MLLT3: variants seen among roughly 807,000 people sequenced by gnomAD.
The protein encoded by MLLT3 is MLLT3 super elongation complex subunit, also known as protein AF-9.
A neutral mutation model predicts 53.2 loss-of-function variants in MLLT3; 4 were observed. The ratio of observed to expected loss-of-function variants is 0.08; its 90% CI spans 0.04 to 0.17. The LOEUF (loss-of-function observed/expected upper bound fraction) is 0.17, where lower values mean the gene tolerates loss of function less well. Ranked by LOEUF, MLLT3 falls within the 10% of genes least tolerant of loss-of-function variation. MLLT3 has a pLI of 1.00. For missense variants in MLLT3, 569 were observed against 684.0 expected, an observed-to-expected ratio of 0.83 and a Z score of 1.87; for synonymous variants, 283 against 230.6, an observed-to-expected ratio of 1.23 and a Z score of -2.06.
intron 2 of MLLT3, among the ~76,000 whole-genome samples, chr9:20,484,125 T>C (rs1202666014): frequency 2.6e-5 from 4 of 152,154 alleles, no homozygotes; most frequent in African/African-American, 7.2e-5. Flanking sequence ...AGGTGATTAA[T>C]TATTTATGGG....
intron 2 of MLLT3, among the ~76,000 whole-genome samples, chr9:20,497,693 T>C (rs2118933488): frequency 6.6e-6 from 1 of 152,276 alleles, no homozygotes; most frequent in Middle Eastern, 3.4e-3. Context: ...AATTTGTTTA[T>C]CCATTCCCTG....
chr9:20,597,593 G>C (rs573554063), intron 2 of MLLT3, among the ~76,000 whole-genome samples: 1 of 152,162 alleles, frequency 6.6e-6, no homozygotes. Context: ...TTTATTACTA[G>C]ATTCTTCCAT....
chr9:20,542,904 T>C (rs529405643), intron 2 of MLLT3, among the ~76,000 whole-genome samples: 1 of 152,258 alleles, frequency 6.6e-6, no homozygotes, highest in East Asian at 1.9e-4. Context: ...CTGGATAACT[T>C]GCTGCAGCTT....
At chr9:20,529,619 A>C (rs545887440) in intron 2 of MLLT3, among the ~76,000 whole-genome samples, 9 of 152,000 alleles carry the variant, frequency 5.9e-5, no homozygotes, top group Non-Finnish European at 1.0e-4. Flanking sequence ...TTTTAGAATT[A>C]TACTTGCTGT....
At chr9:20,354,525 C>A (rs1183764510) in intron 9 of MLLT3, among the ~76,000 whole-genome samples, 5 of 152,218 alleles carry the variant, frequency 3.3e-5, no homozygotes. Context: ...TATTCTATCT[C>A]TACCACAATT....
At chr9:20,385,593 G>A (rs1000129392) in intron 5 of MLLT3, among the ~76,000 whole-genome samples, 3 of 152,042 alleles carry the variant, frequency 2.0e-5, no homozygotes, top group Non-Finnish European at 4.4e-5. Flanking sequence ...ACTTTTCCAA[G>A]TCCAAAAAGA....
chr9:20,431,842 GAATA>G (rs894063438), intron 4 of MLLT3, among the ~76,000 whole-genome samples: 3 of 152,062 alleles, frequency 2.0e-5, no homozygotes, highest in African/African-American at 7.2e-5. Context: ...TTATAATGCT[GAATA>G]AATAAAGCAA....
intron 2 of MLLT3, among the ~76,000 whole-genome samples, chr9:20,539,784 T>C (rs1226460889): frequency 6.6e-6 from 1 of 152,186 alleles, no homozygotes; most frequent in Non-Finnish European, 1.5e-5. Flanking sequence ...CATTCCTTCA[T>C]GACAGTCCCC....
chr9:20,477,063 C>T (rs12003960), intron 2 of MLLT3, among the ~76,000 whole-genome samples: 2,676 of 152,162 alleles, frequency 0.018, 76 homozygotes, highest in African/African-American at 0.057. Flanking sequence ...AACAGGGATA[C>T]GGACTTTTGT....
chr9:20,370,016 C>T (rs73648207), intron 5 of MLLT3, among the ~76,000 whole-genome samples: 4,277 of 152,230 alleles, frequency 0.028, 129 homozygotes, highest in African/African-American at 0.081. Context: ...TCAAAATTCT[C>T]ACCACCAAAA....
chr9:20,478,095 C>G (rs753201231), intron 2 of MLLT3, among the ~76,000 whole-genome samples: 1 of 151,608 alleles, frequency 6.6e-6, no homozygotes, highest in South Asian at 2.1e-4. Flanking sequence ...GGCTTAGTGT[C>G]GCTGTGTTTC....
chr9:20,530,045 T>C (rs565746680), intron 2 of MLLT3, among the ~76,000 whole-genome samples: 1 of 152,348 alleles, frequency 6.6e-6, no homozygotes, highest in South Asian at 2.1e-4. Flanking sequence ...TTTTGAAATG[T>C]GTATTTTTTG....
intron 3 of MLLT3, among the ~76,000 whole-genome samples, chr9:20,451,461 T>A (rs929081452): frequency 6.6e-6 from 1 of 152,160 alleles, no homozygotes; most frequent in Admixed American, 6.6e-5. Context: ...AAAACATCAC[T>A]TTTCAATAAA....
intron 4 of MLLT3, among the ~76,000 whole-genome samples, chr9:20,443,693 A>G (rs1823610531): frequency 6.6e-6 from 1 of 152,192 alleles, no homozygotes; most frequent in Non-Finnish European, 1.5e-5. Flanking sequence ...CATACCTTTA[A>G]GTGTCTGATA....
At chr9:20,618,726 G>T (rs189840042) in intron 2 of MLLT3, among the ~76,000 whole-genome samples, 1 of 152,208 alleles carries the variant, frequency 6.6e-6, no homozygotes, top group African/African-American at 2.4e-5. Context: ...TATGTGAGCA[G>T]CACCCTCATG....
chr9:20,375,877 G>T, intron 5 of MLLT3, among the ~76,000 whole-genome samples: 1 of 151,958 alleles, frequency 6.6e-6, no homozygotes, highest in East Asian at 1.9e-4. Flanking sequence ...CAAAGTGCTG[G>T]GATTACAGGC....
chr9:20,584,635 G>A (rs1337233437), intron 2 of MLLT3, among the ~76,000 whole-genome samples: 1 of 152,110 alleles, frequency 6.6e-6, no homozygotes, highest in East Asian at 1.9e-4. Context: ...GGAAACCTCT[G>A]ATAAACCCAT....
At chr9:20,481,422 A>G (rs183520001) in intron 2 of MLLT3, among the ~76,000 whole-genome samples, 2 of 152,290 alleles carry the variant, frequency 1.3e-5, no homozygotes, top group South Asian at 2.1e-4. Flanking sequence ...AAGTTCTACA[A>G]TTATCTGATA....
intron 2 of MLLT3, among the ~76,000 whole-genome samples, chr9:20,589,949 T>C (rs1820084998): frequency 6.6e-6 from 1 of 152,108 alleles, no homozygotes; most frequent in Non-Finnish European, 1.5e-5. Flanking sequence ...GACCTCGTGA[T>C]CCACCTGCCT....
Sources: gnomAD v4.1 joint callset for allele counts (sites outside exome capture counted in the v4.1 genomes callset) on GRCh38, gnomAD v4.1.1 for gene constraint, MANE v1.5 for transcripts, NCBI Gene and HGNC (gene_info 2026-07-23, HGNC 2026-07-21) for gene names.